TAFA2: variants seen among roughly 807,000 people sequenced by gnomAD.
TAFA2 encodes TAFA chemokine like family member 2, also known as chemokine-like protein TAFA-2.
A neutral mutation model predicts 18.8 loss-of-function variants in TAFA2; 7 were observed. The ratio of observed to expected loss-of-function variants is 0.37; its 90% CI spans 0.21 to 0.70. The LOEUF is 0.70. TAFA2 is among the 30% of genes least tolerant of loss of function. The pLI is 0.53. For missense variants in TAFA2, 122 were observed against 158.1 expected, an observed-to-expected ratio of 0.77 and a Z score of 1.23; for synonymous variants, 60 against 54.2, an observed-to-expected ratio of 1.11 and a Z score of -0.47.
intron 1 of TAFA2, among the ~76,000 whole-genome samples, chr12:62,134,672 T>C (rs902227676): frequency 4.6e-5 from 7 of 152,090 alleles, no homozygotes; most frequent in African/African-American, 9.7e-5. Flanking sequence ...TCTCTTTCAC[T>C]AGAAAGGAAA....
chr12:62,064,074 T>C (rs1378798901), intron 1 of TAFA2, among the ~76,000 whole-genome samples: 2 of 152,102 alleles, frequency 1.3e-5, no homozygotes, highest in African/African-American at 4.8e-5. Flanking sequence ...GTCATGATCA[T>C]TTTAGAGATG....
chr12:62,237,303 C>T (rs961287745), intron 1 of TAFA2, among the ~76,000 whole-genome samples: 1 of 152,178 alleles, frequency 6.6e-6, no homozygotes, highest in African/African-American at 2.4e-5. Flanking sequence ...GTCAGGAGAT[C>T]GTAGATCCAT....
chr12:61,709,603 G>A lies in TAFA2; in HGVS notation c.*803C>T, dbSNP rs1169835202. The A allele has an allele frequency of 1.4e-5, 2 of 140,542 alleles. No individual in the cohort carries two copies. Among genetic ancestry groups the A allele is most frequent in the African/African-American group, 2.5e-5 (1 of 40,492 alleles). The allele number at this position is 140,542 out of a possible 1,614,324, so 8.7% of individuals were successfully genotyped here. On this transcript the variant is annotated 3_prime_UTR_variant, in exon 5 of 5. Coordinates refer to ENST00000416284, the MANE Select transcript of TAFA2 (RefSeq NM_178539.5). ...GAATAAGTAAACATAAAAAATTAAAGAAAAGCTCACTTAAAAAAAAACAGA... is the reference window on the plus strand; with the variant it reads ...GAATAAGTAAACATAAAAAATTAAAAAAAAGCTCACTTAAAAAAAAACAGA...
intron 1 of TAFA2, among the ~76,000 whole-genome samples, chr12:62,187,553 G>C (rs1453100891): frequency 1.3e-5 from 2 of 152,088 alleles, no homozygotes; most frequent in Non-Finnish European, 2.9e-5. Flanking sequence ...TATATTGTTA[G>C]GTACTACAGA....
At chr12:62,007,737 G>A (rs910011038) in intron 1 of TAFA2, among the ~76,000 whole-genome samples, 4 of 151,982 alleles carry the variant, frequency 2.6e-5, no homozygotes, top group African/African-American at 4.8e-5. Flanking sequence ...ACAATACGGG[G>A]TACAGTGTGA....
At position 62,121,461 on chromosome 12, in the gene TAFA2, T is replaced by C. The variant is rs17125909; in HGVS notation, c.-2+69798A>G. 7.9e-3 allele frequency among the ~76,000 whole-genome samples: 1,197 copies of C among 152,254 alleles called. 17 individuals are homozygous for C. The highest frequency in any genetic ancestry group is 0.028 in the African/African-American group (1,154 of 41,536). On this transcript the variant is annotated intron_variant, in intron 1 of 4. Coordinates refer to ENST00000416284, the MANE Select transcript of TAFA2 (RefSeq NM_178539.5). ...GACTAAATCTATTAGTTATGAGAAATAACGAATTCCCATGAATGCTGTCAG... is the reference window on the plus strand; with the variant it reads ...GACTAAATCTATTAGTTATGAGAAACAACGAATTCCCATGAATGCTGTCAG...
At chr12:62,216,744 A>C (rs1440998053) in intron 1 of TAFA2, among the ~76,000 whole-genome samples, 1 of 152,238 alleles carries the variant, frequency 6.6e-6, no homozygotes, top group Non-Finnish European at 1.5e-5. Flanking sequence ...ATATGTTTAC[A>C]GTCTTACCCA....
chr12:62,106,052 G>A (rs997537789), intron 1 of TAFA2, among the ~76,000 whole-genome samples: 1 of 152,118 alleles, frequency 6.6e-6, no homozygotes, highest in Non-Finnish European at 1.5e-5. Context: ...AAAAGTATAG[G>A]CCGGGCGCGG....
chr12:61,753,809 C>T, intron 3 of TAFA2, 63 bp from the exon 4 acceptor site: 2 of 1,452,152 alleles, frequency 1.4e-6, no homozygotes, highest in Non-Finnish European at 1.9e-6. Context: ...TCTTGTTCAC[C>T]TTTAAAGAGG....
At chr12:62,259,977 TC>T, upstream of TAFA2, 1 of 181,306 alleles carries the variant, frequency 5.5e-6, no homozygotes. Flanking sequence ...ATCTTAGCCG[TC>T]CCCACGCCCC....
At chr12:61,916,622 C>G (rs1391701746) in intron 1 of TAFA2, among the ~76,000 whole-genome samples, 2 of 152,160 alleles carry the variant, frequency 1.3e-5, no homozygotes, top group Non-Finnish European at 2.9e-5. Flanking sequence ...CAATTCCATG[C>G]TTTTGCTTTT....
At chr12:61,833,152 G>T (rs1323502501) in intron 2 of TAFA2, among the ~76,000 whole-genome samples, 1 of 149,792 alleles carries the variant, frequency 6.7e-6, no homozygotes, top group Non-Finnish European at 1.5e-5. Flanking sequence ...TTCTCAGTTT[G>T]GTAAAAACTA....
chr12:61,855,390 A>G (rs1873841609), intron 2 of TAFA2, among the ~76,000 whole-genome samples: 1 of 152,158 alleles, frequency 6.6e-6, no homozygotes, highest in African/African-American at 2.4e-5. Context: ...ACATGTCCTG[A>G]CTGTAGCCAC....
intron 1 of TAFA2, among the ~76,000 whole-genome samples, chr12:61,916,837 T>C (rs1876840842): frequency 6.6e-6 from 1 of 152,218 alleles, no homozygotes; most frequent in Non-Finnish European, 1.5e-5. Context: ...CTCTCCATTT[T>C]TTTCTTGAAA....
At chr12:62,042,412 TGTGTGTGTGTGTGTGTGCGC>T (rs1025469925) in intron 1 of TAFA2, among the ~76,000 whole-genome samples, 5 of 113,166 alleles carry the variant, frequency 4.4e-5, no homozygotes, top group South Asian at 2.7e-4. Flanking sequence ...TGTGTGTGTG[TGTGTGTGTGTGTGTGTGCGC>T]GTGTGTGTGT....
chr12:61,906,212 G>T (rs932878405), intron 1 of TAFA2, among the ~76,000 whole-genome samples: 17 of 152,268 alleles, frequency 1.1e-4, no homozygotes, highest in African/African-American at 4.1e-4. Context: ...GATATGGTTT[G>T]GCTGTGTCCC....
intron 1 of TAFA2, among the ~76,000 whole-genome samples, chr12:61,922,142 G>T (rs920412592): frequency 1.6e-4 from 25 of 152,202 alleles, no homozygotes; most frequent in African/African-American, 6.0e-4. Context: ...TAATGGAGCA[G>T]TTGGAAGGAG....
At chr12:62,133,181 T>A (rs546084213) in intron 1 of TAFA2, among the ~76,000 whole-genome samples, 37 of 152,146 alleles carry the variant, frequency 2.4e-4, no homozygotes, top group African/African-American at 8.9e-4. Context: ...TAATTTTCCA[T>A]GCACACACAT....
At chr12:62,119,263 T>C (rs1485309585) in intron 1 of TAFA2, among the ~76,000 whole-genome samples, 1 of 152,106 alleles carries the variant, frequency 6.6e-6, no homozygotes, top group Admixed American at 6.6e-5. Flanking sequence ...AAATTCTAAT[T>C]AGTTATATAA....
Sources: gnomAD v4.1 joint callset for allele counts (sites outside exome capture counted in the v4.1 genomes callset) on GRCh38, gnomAD v4.1.1 for gene constraint, MANE v1.5 for transcripts, NCBI Gene and HGNC (gene_info 2026-07-23, HGNC 2026-07-21) for gene names.